The following MBD5 variants were observed in gnomAD, a reference collection of about 807,000 sequenced individuals.
MBD5 encodes the protein methyl-CpG-binding domain protein 5.
MBD5 carries 13 observed loss-of-function variants against 117.3 expected under a neutral mutation model. The ratio of observed to expected loss-of-function variants is 0.11; its 90% CI spans 0.07 to 0.18. The LOEUF is 0.18. Ranked by LOEUF, MBD5 falls within the 10% of genes least tolerant of loss-of-function variation. The pLI, the probability that MBD5 is intolerant of heterozygous loss-of-function variation, is 1.00. For missense variants in MBD5, 1,879 were observed against 2,093.8 expected, an observed-to-expected ratio of 0.90 and a Z score of 2.00; for synonymous variants, 727 against 766.4, an observed-to-expected ratio of 0.95 and a Z score of 0.85.
intron 2 of MBD5, among the ~76,000 whole-genome samples, chr2:148,202,778 A>G (rs980665690): frequency 6.6e-6 from 1 of 152,110 alleles, no homozygotes; most frequent in Non-Finnish European, 1.5e-5. Flanking sequence ...CAGTAATCTC[A>G]CCACTTTGGT....
At position 148,490,390 on chromosome 2, in the gene MBD5, A is replaced by G; in HGVS notation, c.4758A>G (p.Ser1586=). 4 of 1,614,182 alleles carry G rather than the reference A, an allele frequency of 2.5e-6. No individual in the cohort carries two copies. The highest frequency in any genetic ancestry group is 1.6e-4 in the Middle Eastern group (1 of 6,062). Residue 1586 remains serine, a synonymous_variant, in exon 11 of 14, where the codon TCA becomes TCG. Coordinates refer to ENST00000642680, the MANE Select transcript of MBD5 (RefSeq NM_001378120.1). ...KSVNGCVPSP[S]DAKSISSEDD... Reference sequence around the variant, plus strand: ...TTAATGGGTGTGTGCCTAGCCCTTCAGATGCTAAAAGCATTAGTAGTGAAG... The same window carrying G: ...TTAATGGGTGTGTGCCTAGCCCTTCGGATGCTAAAAGCATTAGTAGTGAAG...
rs1400713495 is a variant in MBD5, at chr2:148,490,049, C to T, written c.4417C>T (p.Leu1473=). ...RPNNVSTLPF[L]PGEQHPILLP... is the part of the protein sequence containing the mutation. ...CAACAATGTCTCTACACTGCCATTT[C>T]TGCCTGGGGAACAGCACCCAATACT... Residue 1473 remains leucine (L), a synonymous_variant, in exon 11 of 14, where the codon CTG becomes TTG. Transcript: ENST00000642680. 6.2e-7 allele frequency: 1 copy of T among 1,613,886 alleles called. No individual in the cohort carries two copies. The highest frequency in any genetic ancestry group is 1.7e-5 in the Admixed American group (1 of 59,980).
intron 1 of MBD5, among the ~76,000 whole-genome samples, chr2:148,133,738 G>A (rs990351985): frequency 2.0e-5 from 3 of 152,090 alleles, no homozygotes; most frequent in African/African-American, 2.4e-5. Flanking sequence ...CCGGAGAATC[G>A]CTTGAACCCG....
intron 4 of MBD5, among the ~76,000 whole-genome samples, chr2:148,385,688 T>C (rs1196139496): frequency 1.3e-4 from 19 of 151,492 alleles, no homozygotes; most frequent in African/African-American, 4.4e-4. Context: ...CTATTCACAA[T>C]AGCAAAGACT....
intron 4 of MBD5, among the ~76,000 whole-genome samples, chr2:148,455,182 T>A (rs1706845452): frequency 6.6e-6 from 1 of 152,086 alleles, no homozygotes; most frequent in Non-Finnish European, 1.5e-5. Context: ...AACAGATAAA[T>A]GATAACTATA....
Position 148,484,039 on chromosome 2 carries a change from T to G in MBD5, c.3448T>G (p.Ser1150Ala). 6 of 1,550,372 alleles carry G rather than the reference T, an allele frequency of 3.9e-6. No homozygotes were observed. Among genetic ancestry groups the G allele is most frequent in the Non-Finnish European group, 5.2e-6 (6 of 1,146,880 alleles). The change falls in exon 9 of 14, where the codon TCT becomes GCT. Residue 1150 changes from serine to alanine, a missense_variant. Physicochemically the swap from Ser to Ala is moderately conservative, Grantham distance 99 (BLOSUM62 1). Around this residue, in one of 4 missense-constraint regions of MBD5, gnomAD observed 1,666 missense variants for 1,792.2 expected, o/e 0.93. Transcript: ENST00000642680. ...AATGGCAGAAACATTGCTGAATATA[T>G]CTAATAATGCTGGGAATACACCTGG... is the stretch of plus-strand genomic sequence containing the variant. ...VSMAETLLNISNNAGNTPGPA... is the reference protein window; with the variant it reads ...VSMAETLLNIANNAGNTPGPA...
chr2:148,270,884 C>T (rs929573794), intron 3 of MBD5, among the ~76,000 whole-genome samples: 1 of 152,098 alleles, frequency 6.6e-6, no homozygotes, highest in African/African-American at 2.4e-5. Context: ...TTCCTTCTTT[C>T]TGAAATTTTT....
At chr2:148,120,759 G>T (rs1696750879) in intron 1 of MBD5, among the ~76,000 whole-genome samples, 1 of 151,984 alleles carries the variant, frequency 6.6e-6, no homozygotes, top group African/African-American at 2.4e-5. Context: ...TTTAAACCTG[G>T]CTGTCTTCTA....
chr2:148,487,207 T>TA (rs1681366227), intron 10 of MBD5, among the ~76,000 whole-genome samples: 1 of 152,156 alleles, frequency 6.6e-6, no homozygotes, highest in Non-Finnish European at 1.5e-5. Context: ...AAGCTGTAAA[T>TA]ATAATCATAC....
intron 1 of MBD5, among the ~76,000 whole-genome samples, chr2:148,139,425 C>T (rs551077881): frequency 6.6e-6 from 1 of 152,084 alleles, no homozygotes. Context: ...AAGCTGGTCT[C>T]GAAATCCTGA....
intron 4 of MBD5, among the ~76,000 whole-genome samples, chr2:148,381,507 G>C (rs537700125): frequency 6.6e-6 from 1 of 152,300 alleles, no homozygotes; most frequent in East Asian, 1.9e-4. Context: ...GTGACGGGGA[G>C]ATTGGAACCA....
intron 1 of MBD5, among the ~76,000 whole-genome samples, chr2:148,082,940 T>A (rs1695682141): frequency 6.6e-6 from 1 of 152,196 alleles, no homozygotes; most frequent in Non-Finnish European, 1.5e-5. Context: ...TTGCCCTTGG[T>A]AGGCATGATC....
intron 3 of MBD5, among the ~76,000 whole-genome samples, chr2:148,275,583 T>C (rs761749913): frequency 2.0e-5 from 3 of 152,212 alleles, no homozygotes; most frequent in Non-Finnish European, 4.4e-5. Flanking sequence ...TACCTTCAAA[T>C]GATTGGATGA....
chr2:148,271,877 G>C (rs1232997482), intron 3 of MBD5, among the ~76,000 whole-genome samples: 4 of 152,062 alleles, frequency 2.6e-5, no homozygotes, highest in African/African-American at 9.7e-5. Context: ...TTATACAATA[G>C]GTCCCTTGAA....
At chr2:148,298,293 T>A (rs1701703310) in intron 3 of MBD5, among the ~76,000 whole-genome samples, 1 of 152,190 alleles carries the variant, frequency 6.6e-6, no homozygotes, top group Non-Finnish European at 1.5e-5. Context: ...TTGCCTTCTG[T>A]GGAAGATATC....
chr2:148,130,554 A>AT (rs1469311655), intron 1 of MBD5, among the ~76,000 whole-genome samples: 2 of 57,256 alleles, frequency 3.5e-5, no homozygotes, highest in Non-Finnish European at 1.0e-4. Flanking sequence ...GCTGTGTGAT[A>AT]TTAAAAAAAA....
chr2:148,197,074 T>C (rs1205867097), intron 2 of MBD5, among the ~76,000 whole-genome samples: 1 of 152,098 alleles, frequency 6.6e-6, no homozygotes, highest in Non-Finnish European at 1.5e-5. Flanking sequence ...CCATTTCCCC[T>C]CCTCCTGAAA....
intron 1 of MBD5, among the ~76,000 whole-genome samples, chr2:148,040,204 A>G (rs1451609933): frequency 6.6e-6 from 1 of 152,168 alleles, no homozygotes; most frequent in Non-Finnish European, 1.5e-5. Context: ...GTAATAACTA[A>G]ATAAATAACA....
At chr2:148,254,217 C>A (rs1700529869) in intron 3 of MBD5, among the ~76,000 whole-genome samples, 1 of 152,234 alleles carries the variant, frequency 6.6e-6, no homozygotes, top group African/African-American at 2.4e-5. Context: ...CCATGACCCA[C>A]TCGCAGGGCT....
Sources: gnomAD v4.1 joint callset for allele counts (sites outside exome capture counted in the v4.1 genomes callset) on GRCh38, gnomAD v4.1.1 for gene constraint, gnomAD v4.1.1 regional missense constraint, MANE v1.5 for transcripts, NCBI Gene and HGNC (gene_info 2026-07-23, HGNC 2026-07-21) for gene names.